SLC26A2: variants seen among roughly 807,000 people sequenced by gnomAD.
SLC26A2 encodes the protein sulfate transporter.
Under a neutral mutation model 41.1 loss-of-function variants are expected in SLC26A2, and 36 were observed. The ratio of observed to expected loss-of-function variants is 0.88; its 90% CI spans 0.67 to 1.16. The LOEUF (loss-of-function observed/expected upper bound fraction) is 1.16. Ranked by LOEUF, SLC26A2 falls within the 50% of genes most tolerant of loss-of-function variation. The probability of loss-of-function intolerance (pLI) is 0.00; values close to 1 mark genes in which losing one functional copy is unlikely to be tolerated. For missense variants in SLC26A2, 796 were observed against 869.6 expected (o/e 0.92, Z 1.07); for synonymous variants, 291 against 311.6 (o/e 0.93, Z 0.70).
In SLC26A2 at chr5:149,964,213, G is replaced by C. The variant is rs191853203; in HGVS notation, c.-26+3234G>C. The stretch of plus-strand genomic sequence containing the variant: ...CTTTAAAAATGTAGGTTCAGGCTGG[G>C]CTCTTCCTTTGCTCATGCCTATAAT... On this transcript the variant is annotated intron_variant, in intron 1 of 2. Coordinates refer to ENST00000286298, the MANE Select transcript of SLC26A2 (RefSeq NM_000112.4). Among the ~76,000 whole-genome samples the C allele has an allele frequency of 2.4e-4, 37 of 152,238 alleles. No individual in the cohort carries two copies. The East Asian group carries it at 5.4e-3, about 22-fold the overall frequency.
chr5:149,984,741 C>T lies in SLC26A2; in HGVS notation c.*2928C>T, dbSNP rs1755166030. 1 of 152,226 alleles carries T rather than the reference C, an allele frequency of 6.6e-6. No homozygotes were observed. Among genetic ancestry groups the T allele is most frequent in the South Asian group, 2.1e-4 (1 of 4,832 alleles). 9.4% of individuals were successfully genotyped at this position (152,226 alleles called of 1,614,324 possible). The stretch of plus-strand genomic sequence containing the variant: ...TTAGTTCTTTAAGCATTATTTTAAA[C>T]ACTATATTGATACAAAAATATCTTG... On this transcript the variant is annotated 3_prime_UTR_variant, in exon 3 of 3. Coordinates refer to ENST00000286298, the MANE Select transcript of SLC26A2 (RefSeq NM_000112.4).
At position 149,981,105 on chromosome 5, in the gene SLC26A2, G is replaced by A. The variant is rs76668544; in HGVS notation, c.1512G>A (p.Met504Ile). 7.8e-5 allele frequency: 126 copies of A among 1,614,136 alleles called. 1 individual carries two copies. The East Asian group carries it at 2.8e-3, about 35-fold the overall frequency. Residue 504 changes from methionine to isoleucine, a missense_variant, in exon 3 of 3, where the codon ATG (methionine) becomes ATA (isoleucine). Transcript: ENST00000286298. ...GTAAATTTAGGGATCTTCCCAAAATGTGGAGTATTAGTAGAATGGATACAG... is the reference window on the plus strand; with the variant it reads ...GTAAATTTAGGGATCTTCCCAAAATATGGAGTATTAGTAGAATGGATACAG... ...ALRKFRDLPK[M>I]WSISRMDTVI...
In SLC26A2 at chr5:149,986,407, A is replaced by T. The variant is rs1224713808; in HGVS notation, c.*4594A>T. ...GGTTTGTTATTATAGTCCGTGTATT[A>T]AAATACTATTGAAATACGTTAAAGG... On this transcript the variant is annotated 3_prime_UTR_variant, in exon 3 of 3. Coordinates refer to ENST00000286298, the MANE Select transcript of SLC26A2 (RefSeq NM_000112.4). 1.3e-5 allele frequency: 2 copies of T among 152,208 alleles called. No homozygotes were observed. The highest frequency in any genetic ancestry group is 2.9e-5 in the Non-Finnish European group (2 of 68,036). The allele number at this position is 152,208 out of a possible 1,614,324, so 9.4% of individuals were successfully genotyped here.
At chr5:149,967,155 T>C (rs2113688246) in intron 1 of SLC26A2, among the ~76,000 whole-genome samples, 1 of 152,346 alleles carries the variant, frequency 6.6e-6, no homozygotes, top group South Asian at 2.1e-4. Flanking sequence ...AGAGTGAGAC[T>C]GTGTCTCTTA....
chr5:149,961,356 G>T (rs1266417799), intron 1 of SLC26A2, among the ~76,000 whole-genome samples: 1 of 152,242 alleles, frequency 6.6e-6, no homozygotes, highest in Non-Finnish European at 1.5e-5. Flanking sequence ...ACCTCGGACA[G>T]ATGGGGAAAC....
At chr5:149,980,236 T>A (rs981442870) in intron 2 of SLC26A2, 57 bp from the exon 3 acceptor site, 12 of 1,381,004 alleles carry the variant, frequency 8.7e-6, no homozygotes, top group Non-Finnish European at 1.2e-5. Flanking sequence ...CAGGATAATA[T>A]AAAATTTAGA....
In SLC26A2 at chr5:149,985,783, C is replaced by G. The variant is rs1235890575; in HGVS notation, c.*3970C>G. On this transcript the variant is annotated 3_prime_UTR_variant, in exon 3 of 3. Transcript: ENST00000286298. ...CTTCAGATACCTCTGAGGACCTACC[C>G]AGCAGTCTAGGACCCTGGGCCAAGT... The G allele has an allele frequency of 1.3e-5, 2 of 152,174 alleles. No individual in the cohort carries two copies. Among genetic ancestry groups the G allele is most frequent in the African/African-American group, 4.8e-5 (2 of 41,434 alleles). 9.4% of individuals were successfully genotyped at this position (152,174 alleles called of 1,614,324 possible).
rs774700553 is a variant in SLC26A2, at chr5:149,981,611, A to C, written c.2018A>C (p.Asp673Ala). The C allele has an allele frequency of 2.5e-6, 4 of 1,614,140 alleles. No individual in the cohort carries two copies. The highest frequency in any genetic ancestry group is 3.4e-6 in the Non-Finnish European group (4 of 1,180,006). Residue 673 changes from aspartate to alanine, a missense_variant, in exon 3 of 3, where the codon GAT becomes GCT. Physicochemically the swap from Asp to Ala is moderately radical, Grantham distance 126. Coordinates refer to ENST00000286298, the MANE Select transcript of SLC26A2 (RefSeq NM_000112.4). ...GIHTLKEVRR[D>A]YEAIGIQVLL... Reference sequence around the variant, plus strand: ...CACACACTGAAAGAAGTTCGCAGAGATTATGAAGCCATTGGAATCCAGGTT... The same window carrying C: ...CACACACTGAAAGAAGTTCGCAGAGCTTATGAAGCCATTGGAATCCAGGTT...
chr5:149,981,043 G>A lies in SLC26A2; in HGVS notation c.1450G>A (p.Gly484Ser). The A allele has an allele frequency of 6.2e-7, 1 of 1,614,082 alleles. No homozygotes were observed. The highest frequency in any genetic ancestry group is 8.5e-7 in the Non-Finnish European group (1 of 1,180,018). Reference sequence around the variant, plus strand: ...CTATTCCCTTCAAAAAAGTGTCCTTGGTGTGATCACAATTGTAAATCTACG... The same window carrying A: ...CTATTCCCTTCAAAAAAGTGTCCTTAGTGTGATCACAATTGTAAATCTACG... ...LFYSLQKSVL[G>S]VITIVNLRGA... Residue 484 changes from glycine to serine, a missense_variant, in exon 3 of 3, where the codon GGT becomes AGT. Physicochemically the swap from Gly to Ser is moderately conservative, Grantham distance 56. Transcript: ENST00000286298.
rs773892702 is a variant in SLC26A2 at position 149,977,786 on chromosome 5, A to G, written c.134A>G (p.Asn45Ser). 3.1e-6 allele frequency: 5 copies of G among 1,613,980 alleles called. No individual in the cohort carries two copies. The highest frequency in any genetic ancestry group is 2.2e-5 in the East Asian group (1 of 44,890). Residue 45 changes from asparagine (N) to serine (S), a missense_variant, in exon 2 of 3, where the codon AAT becomes AGT. Transcript: ENST00000286298. ...ACTGACTTCAAGCAATTTGAGACCA[A>G]TGATCAATGCAGACCTTATCATAGG... Reference protein sequence around the residue: ...SSTDFKQFETNDQCRPYHRIL... With the variant: ...SSTDFKQFETSDQCRPYHRIL...
chr5:149,974,722 C>CTTTTTTTT (rs11440508), intron 1 of SLC26A2, among the ~76,000 whole-genome samples: 1 of 100,894 alleles, frequency 9.9e-6, no homozygotes, highest in African/African-American at 4.1e-5. Context: ...TGCACCCGGC[C>CTTTTTTTT]TTTTTTTTTT....
At chr5:149,961,586 A>G (rs1581223881) in intron 1 of SLC26A2, among the ~76,000 whole-genome samples, 1 of 152,176 alleles carries the variant, frequency 6.6e-6, no homozygotes, top group East Asian at 1.9e-4. Context: ...CCAGCTCTCC[A>G]AACTCATAGA....
rs1754898748 is a variant in SLC26A2, at chr5:149,971,456, G to C, written c.-25-6172G>C. On this transcript the variant is annotated intron_variant, in intron 1 of 2. Coordinates refer to ENST00000286298, the MANE Select transcript of SLC26A2 (RefSeq NM_000112.4). ...ATTCTGTCACCCAGGCTGGAGTGCA[G>C]TGGTGTGATCTCAGCTCACTTCAGC... 2.0e-5 allele frequency among the ~76,000 whole-genome samples: 3 copies of C among 152,294 alleles called. No individual in the cohort carries two copies. In the South Asian group the frequency reaches 6.2e-4, roughly 32 times the overall value.
In SLC26A2 at chr5:149,982,034, G is replaced by A. The variant is rs1293059000; in HGVS notation, c.*221G>A. Reference sequence around the variant, plus strand: ...AGAAAATACGGTTTCAGGCTTTCTTGCAGATATGAAGTATTCTTGGAATGC... The same window carrying A: ...AGAAAATACGGTTTCAGGCTTTCTTACAGATATGAAGTATTCTTGGAATGC... On this transcript the variant is annotated 3_prime_UTR_variant, in exon 3 of 3. Transcript: ENST00000286298. The A allele has an allele frequency of 5.4e-6, 3 of 559,520 alleles. No individual in the cohort carries two copies. The highest frequency in any genetic ancestry group is 9.5e-6 in the Non-Finnish European group (3 of 316,646). The allele number at this position is 559,520 out of a possible 1,614,324, so 34.7% of individuals were successfully genotyped here. A position where few individuals can be genotyped will look rare whatever the true frequency, so the allele number is the denominator to read the frequency against.
At chr5:149,961,931 T>C (rs76714286) in intron 1 of SLC26A2, 1 of 152,232 alleles carries the variant, frequency 6.6e-6, no homozygotes, top group Non-Finnish European at 1.5e-5. Flanking sequence ...CCAGGCACTG[T>C]GGTAGGTAGT....
intron 1 of SLC26A2, among the ~76,000 whole-genome samples, chr5:149,973,556 T>TC (rs540055262): frequency 4.6e-4 from 70 of 151,968 alleles, no homozygotes; most frequent in Admixed American, 1.5e-3. Context: ...TCTCTCCCGT[T>TC]CCCCCCACAT....
At chr5:149,978,486 G>C (rs1319120461) in intron 2 of SLC26A2, 135 bp downstream of exon 2, 4 of 850,264 alleles carry the variant, frequency 4.7e-6, no homozygotes, top group Non-Finnish European at 7.6e-6. Flanking sequence ...ATGAAGGGTA[G>C]AGGCAAAATT....
At chr5:149,961,504 G>A (rs146483240) in intron 1 of SLC26A2, among the ~76,000 whole-genome samples, 4 of 152,272 alleles carry the variant, frequency 2.6e-5, no homozygotes, top group South Asian at 4.1e-4. Flanking sequence ...TGGAAACACT[G>A]AGAAGACAGA....
intron 1 of SLC26A2, among the ~76,000 whole-genome samples, chr5:149,969,683 C>T (rs1394305928): frequency 1.3e-5 from 2 of 152,286 alleles, no homozygotes; most frequent in Non-Finnish European, 2.9e-5. Flanking sequence ...AGGATGAACT[C>T]GTGACTTCTT....
Sources: allele counts gnomAD v4.1 joint callset (sites outside exome capture counted in the v4.1 genomes callset), GRCh38; gene constraint gnomAD v4.1.1; transcripts MANE v1.5; gene names NCBI Gene and HGNC (gene_info 2026-07-23, HGNC 2026-07-21).